The following ZNF740 variants were observed in gnomAD, a reference collection of about 807,000 sequenced individuals.
ZNF740 encodes the protein oriLyt TD-element-binding protein 7.
A neutral mutation model predicts 24.8 loss-of-function variants in ZNF740; 14 were observed. The ratio of observed to expected loss-of-function variants is 0.56; its 90% CI spans 0.37 to 0.88. The LOEUF is 0.88. Among genes scored for constraint, ZNF740 ranks in the 40% least tolerant of loss-of-function variants. ZNF740 has a pLI of 0.00. For missense variants in ZNF740, 201 were observed against 247.9 expected (o/e 0.81, Z 1.27); for synonymous variants, 69 against 84.0 (o/e 0.82, Z 0.98).
Position 53,192,874 on chromosome 12 carries a change from T to C in ZNF740, c.*5284T>C. ...GCATGCTCTGCCCGTGCGGTTGGCA[T>C]GACAGTGACATACTCCACATTGGCA... On this transcript the variant is annotated 3_prime_UTR_variant, in exon 7 of 7. Coordinates refer to ENST00000416904, the MANE Select transcript of ZNF740 (RefSeq NM_001004304.4). 1 of 1,614,208 alleles carries C rather than the reference T, an allele frequency of 6.2e-7. No homozygotes were observed. Among genetic ancestry groups the C allele is most frequent in the Non-Finnish European group, 8.5e-7 (1 of 1,180,030 alleles).
At chr12:53,184,150 TGCGCGC>T (rs377127380) in intron 2 of ZNF740, among the ~76,000 whole-genome samples, 138 of 104,420 alleles carry the variant, frequency 1.3e-3, no homozygotes, top group African/African-American at 4.9e-3. Flanking sequence ...TGTGTGTGTG[TGCGCGC>T]GCGCGCTCTG....
chr12:53,192,579 T>A lies in ZNF740; in HGVS notation c.*4989T>A, dbSNP rs1420791698. ...CAATAGGTTACCAGCTGGGCAGTTGTCACCCAATGCCCCTTGCCCAACTAC... is the reference window on the plus strand; with the variant it reads ...CAATAGGTTACCAGCTGGGCAGTTGACACCCAATGCCCCTTGCCCAACTAC... On this transcript the variant is annotated 3_prime_UTR_variant, in exon 7 of 7. Coordinates refer to ENST00000416904, the MANE Select transcript of ZNF740 (RefSeq NM_001004304.4). 1 of 1,602,100 alleles carries A rather than the reference T, an allele frequency of 6.2e-7. No homozygotes were observed. Among genetic ancestry groups the A allele is most frequent in the South Asian group, 1.1e-5 (1 of 90,866 alleles).
At position 53,181,760 on chromosome 12, in the gene ZNF740, A is replaced by C. The variant is rs1941652267; in HGVS notation, c.-224A>C. The C allele has an allele frequency of 5.0e-6, 3 of 599,364 alleles. No homozygotes were observed. The South Asian group carries it at 6.9e-5, about 14-fold the overall frequency. The allele number at this position is 599,364 out of a possible 1,614,324, so 37.1% of individuals were successfully genotyped here. A position where few individuals can be genotyped will look rare whatever the true frequency, so the allele number is the denominator to read the frequency against. ...TAGACTCTCTTTTTCTTCAGACAATAGGCAGGAGCCAGGCAGAGTCCAGGG... is the reference window on the plus strand; with the variant it reads ...TAGACTCTCTTTTTCTTCAGACAATCGGCAGGAGCCAGGCAGAGTCCAGGG... On this transcript the variant is annotated 5_prime_UTR_variant, in exon 2 of 7. Transcript: ENST00000416904.
In ZNF740 at chr12:53,191,928, C is replaced by T. The variant is rs771753910; in HGVS notation, c.*4338C>T. ...ATTCCCGGCGGTCATAGATTTCCAC[C>T]GAGAGCCGGTAAGCCAGGACCAGCC... is the stretch of plus-strand genomic sequence containing the variant. On this transcript the variant is annotated 3_prime_UTR_variant, in exon 7 of 7. Coordinates refer to ENST00000416904, the MANE Select transcript of ZNF740 (RefSeq NM_001004304.4). 25 of 1,611,016 alleles carry T rather than the reference C, an allele frequency of 1.6e-5. No homozygotes were observed. Among genetic ancestry groups the T allele is most frequent in the African/African-American group, 1.5e-4 (11 of 74,896 alleles).
At position 53,187,700 on chromosome 12, in the gene ZNF740, G is replaced by C; in HGVS notation, c.*110G>C. ...CCCATGTGAACCTGTCCCACTCCTG[G>C]AGGAGTGGACCCAGGAGACCAGAAG... On this transcript the variant is annotated 3_prime_UTR_variant, in exon 7 of 7. Transcript: ENST00000416904. The C allele has an allele frequency of 1.2e-6, 1 of 850,498 alleles. No homozygotes were observed. Among genetic ancestry groups the C allele is most frequent in the Non-Finnish European group, 1.9e-6 (1 of 515,052 alleles). 52.7% of individuals were successfully genotyped at this position (850,498 alleles called of 1,614,324 possible).
rs774549141 is a variant in ZNF740 at position 53,193,832 on chromosome 12, G to A, written c.*6242G>A. 13 of 1,614,000 alleles carry A rather than the reference G, an allele frequency of 8.1e-6. No individual in the cohort carries two copies. The East Asian group carries it at 1.8e-4, about 22-fold the overall frequency. On this transcript the variant is annotated 3_prime_UTR_variant, in exon 7 of 7. Transcript: ENST00000416904. ...ACAATCAGCTCCTCTGAGAAGCCAA[G>A]GGCCCGGAGCCTCAGGAGATGGGGC...
At chr12:53,185,145 G>A (rs1941798618) in intron 3 of ZNF740, 105 bp downstream of exon 3, 8 of 1,540,780 alleles carry the variant, frequency 5.2e-6, no homozygotes, top group Non-Finnish European at 7.1e-6. Context: ...TAGGGAAGTG[G>A]GGCAAGGGGA....
At position 53,185,024 on chromosome 12, in the gene ZNF740, TGAGGTGCTC is replaced by T; in HGVS notation, c.147_155del (p.Arg49_Ser51del). The T allele has an allele frequency of 6.2e-7, 1 of 1,613,996 alleles. No individual in the cohort carries two copies. The highest frequency in any genetic ancestry group is 8.5e-7 in the Non-Finnish European group (1 of 1,179,884). On this transcript the variant is annotated inframe_deletion, in exon 3 of 7. Coordinates refer to ENST00000416904, the MANE Select transcript of ZNF740 (RefSeq NM_001004304.4). ...GAGCGGGCAGGTAGCCCTGATGTGCTGAGGTGCTCGAGTCAGGTACAGCGCTTGAGTCCA... is the reference window on the plus strand; with the variant it reads ...GAGCGGGCAGGTAGCCCTGATGTGCTGAGTCAGGTACAGCGCTTGAGTCCA...
intron 4 of ZNF740, 61 bp downstream of exon 4, chr12:53,185,537 T>A: frequency 6.8e-7 from 1 of 1,479,428 alleles, no homozygotes; most frequent in Non-Finnish European, 9.4e-7. Flanking sequence ...TATTCCTCCT[T>A]CTTCCCTCTA....
chr12:53,194,271 C>T lies in ZNF740; in HGVS notation c.*6681C>T. The T allele has an allele frequency of 6.2e-7, 1 of 1,614,006 alleles. No homozygotes were observed. The highest frequency in any genetic ancestry group is 8.5e-7 in the Non-Finnish European group (1 of 1,179,968). Reference sequence around the variant, plus strand: ...ACCCTCCCTCTTCTCAGGACCCTCACACTGGGATTCGTAAGAAATGTGGAC... The same window carrying T: ...ACCCTCCCTCTTCTCAGGACCCTCATACTGGGATTCGTAAGAAATGTGGAC... On this transcript the variant is annotated 3_prime_UTR_variant, in exon 7 of 7. Coordinates refer to ENST00000416904, the MANE Select transcript of ZNF740 (RefSeq NM_001004304.4).
chr12:53,182,019 A>G, intron 2 of ZNF740, 27 bp downstream of exon 2: 1 of 1,604,750 alleles, frequency 6.2e-7, no homozygotes, highest in Non-Finnish European at 8.5e-7. Flanking sequence ...TCCTCCTCCA[A>G]GATAACTGGG....
chr12:53,189,550 A>G lies in ZNF740; in HGVS notation c.*1960A>G, dbSNP rs1234174894. 1.3e-5 allele frequency: 2 copies of G among 152,180 alleles called. No individual in the cohort carries two copies. Among genetic ancestry groups the G allele is most frequent in the Non-Finnish European group, 2.9e-5 (2 of 68,054 alleles). The allele number at this position is 152,180 out of a possible 1,614,324, so 9.4% of individuals were successfully genotyped here. On this transcript the variant is annotated 3_prime_UTR_variant, in exon 7 of 7. Coordinates refer to ENST00000416904, the MANE Select transcript of ZNF740 (RefSeq NM_001004304.4). ...TGGCACCCATTCGATTTTCCCTGAC[A>G]GCATCTGAGATCCTTTTGGGGAGAC...
rs763721469 is a variant in ZNF740, at chr12:53,194,231, T to C, written c.*6641T>C. 1 of 1,614,088 alleles carries C rather than the reference T, an allele frequency of 6.2e-7. No individual in the cohort carries two copies. Among genetic ancestry groups the C allele is most frequent in the Non-Finnish European group, 8.5e-7 (1 of 1,179,990 alleles). On this transcript the variant is annotated 3_prime_UTR_variant, in exon 7 of 7. Transcript: ENST00000416904. ...TGATTCGGACGTGGTTGCACTGTCC[T>C]CGATCCTCAGCCTTACCCTCCCTCT...
Position 53,194,453 on chromosome 12 carries a change from C to A in ZNF740, c.*6863C>A. Reference sequence around the variant, plus strand: ...ATTCTGCCAGCACCCTGCCCTCTGCCACCTGGGGCTCCTTCCATTCTGCCC... The same window carrying A: ...ATTCTGCCAGCACCCTGCCCTCTGCAACCTGGGGCTCCTTCCATTCTGCCC... On this transcript the variant is annotated 3_prime_UTR_variant, in exon 7 of 7. Coordinates refer to ENST00000416904, the MANE Select transcript of ZNF740 (RefSeq NM_001004304.4). 9.2e-7 allele frequency: 1 copy of A among 1,087,126 alleles called. No homozygotes were observed. 67.3% of individuals were successfully genotyped at this position (1,087,126 alleles called of 1,614,324 possible).
In ZNF740 at chr12:53,188,511, G is replaced by C. The variant is rs984944284; in HGVS notation, c.*921G>C. The C allele has an allele frequency of 4.6e-5, 7 of 152,588 alleles. No homozygotes were observed. The highest frequency in any genetic ancestry group is 1.0e-4 in the Non-Finnish European group (7 of 68,040). The allele number at this position is 152,588 out of a possible 1,614,324, so 9.5% of individuals were successfully genotyped here. A position where few individuals can be genotyped will look rare whatever the true frequency, so the allele number is the denominator to read the frequency against. On this transcript the variant is annotated 3_prime_UTR_variant, in exon 7 of 7. Transcript: ENST00000416904. Reference sequence around the variant, plus strand: ...GCAAGGAGTCATGGAAGTCAAAGTGGGTTCTCTCTCCTTGTGCCCTCTTAG... The same window carrying C: ...GCAAGGAGTCATGGAAGTCAAAGTGCGTTCTCTCTCCTTGTGCCCTCTTAG...
rs1942044713 is a variant in ZNF740 at position 53,193,541 on chromosome 12, G to C, written c.*5951G>C. 8.0e-6 allele frequency: 6 copies of C among 753,590 alleles called. No homozygotes were observed. The highest frequency in any genetic ancestry group is 7.7e-5 in the South Asian group (4 of 52,006). The allele number at this position is 753,590 out of a possible 1,614,324, so 46.7% of individuals were successfully genotyped here. ...GAGAGAGTGGAGGGAGCCCCAGTCA[G>C]GGGGAGGGCCTGGACATACATGGGA... is the stretch of plus-strand genomic sequence containing the variant. On this transcript the variant is annotated 3_prime_UTR_variant, in exon 7 of 7. Coordinates refer to ENST00000416904, the MANE Select transcript of ZNF740 (RefSeq NM_001004304.4).
In ZNF740 at chr12:53,193,631, A is replaced by G; in HGVS notation, c.*6041A>G. 1 of 1,283,272 alleles carries G rather than the reference A, an allele frequency of 7.8e-7. No homozygotes were observed. The highest frequency in any genetic ancestry group is 1.1e-6 in the Non-Finnish European group (1 of 929,364). The allele number at this position is 1,283,272 out of a possible 1,614,324, so 79.5% of individuals were successfully genotyped here. A position where few individuals can be genotyped will look rare whatever the true frequency, so the allele number is the denominator to read the frequency against. ...GAGGAGACTCCTGTGGGGGGGATGG[A>G]AAGCAGCGGAGGAATACGGGCCAGG... is the stretch of plus-strand genomic sequence containing the variant. On this transcript the variant is annotated 3_prime_UTR_variant, in exon 7 of 7. Coordinates refer to ENST00000416904, the MANE Select transcript of ZNF740 (RefSeq NM_001004304.4).
Position 53,194,108 on chromosome 12 carries a change from C to A in ZNF740, c.*6518C>A. On this transcript the variant is annotated 3_prime_UTR_variant, in exon 7 of 7. Transcript: ENST00000416904. Reference sequence around the variant, plus strand: ...CTACCTCAGGCTCTCATGTCACTCCCTGTACCTGCCACCCATCTTTTCCTG... The same window carrying A: ...CTACCTCAGGCTCTCATGTCACTCCATGTACCTGCCACCCATCTTTTCCTG... 1 of 1,565,806 alleles carries A rather than the reference C, an allele frequency of 6.4e-7. No individual in the cohort carries two copies. Among genetic ancestry groups the A allele is most frequent in the Admixed American group, 1.7e-5 (1 of 59,312 alleles).
In ZNF740 at chr12:53,186,130, C is replaced by T. The variant is rs1037976561; in HGVS notation, c.373+53C>T. The stretch of plus-strand genomic sequence containing the variant: ...GGGAGAATAGTCTATCGCTTGTATT[C>T]CATGTCTGTTTGTGGCTCTAGTTGG... On this transcript the variant is annotated intron_variant, in intron 5 of 6. Coordinates refer to ENST00000416904, the MANE Select transcript of ZNF740 (RefSeq NM_001004304.4). 1.8e-5 allele frequency: 29 copies of T among 1,580,518 alleles called. No homozygotes were observed. The African/African-American group carries it at 3.8e-4, about 21-fold the overall frequency.
Sources: gnomAD v4.1 joint callset for allele counts (sites outside exome capture counted in the v4.1 genomes callset) on GRCh38, gnomAD v4.1.1 for gene constraint, MANE v1.5 for transcripts, NCBI Gene and HGNC (gene_info 2026-07-23, HGNC 2026-07-21) for gene names.